The following TTC27 variants were observed in gnomAD, a reference collection of about 807,000 sequenced individuals.
The protein encoded by TTC27 is tetratricopeptide repeat domain 27, also known as tetratricopeptide repeat protein 27.
In TTC27, 79 loss-of-function variants were observed where a neutral mutation model predicts 115.9. The ratio of observed to expected loss-of-function variants is 0.68; its 90% CI spans 0.57 to 0.82. TTC27 has a LOEUF of 0.82. Among genes scored for constraint, TTC27 ranks in the 40% least tolerant of loss-of-function variants. The pLI is 0.00. For synonymous variants in TTC27, 401 were observed against 356.0 expected (o/e 1.13, Z -1.42); for missense variants, 1,054 against 993.1 (o/e 1.06, Z -0.82).
intron 8 of TTC27, among the ~76,000 whole-genome samples, chr2:32,676,782 C>G (rs1480008678): frequency 6.6e-6 from 1 of 151,856 alleles, no homozygotes; most frequent in Non-Finnish European, 1.5e-5. Flanking sequence ...AGCCACTGCG[C>G]CTAGCCTCTT....
At chr2:32,775,250 T>C (rs1022696900) in intron 13 of TTC27, among the ~76,000 whole-genome samples, 1 of 152,166 alleles carries the variant, frequency 6.6e-6, no homozygotes, top group African/African-American at 2.4e-5. Context: ...CGGGCTGGAG[T>C]GCAGTGGCGC....
chr2:32,714,250 C>T (rs1667683124), intron 10 of TTC27, among the ~76,000 whole-genome samples: 1 of 151,570 alleles, frequency 6.6e-6, no homozygotes, highest in African/African-American at 2.4e-5. Context: ...GCTCCACCTC[C>T]CGGGTTCACA....
intron 10 of TTC27, among the ~76,000 whole-genome samples, chr2:32,708,304 GTTTTTTT>G (rs1158508588): frequency 3.3e-5 from 2 of 61,356 alleles, no homozygotes; most frequent in South Asian, 8.0e-4. Flanking sequence ...TCTCTACCTT[GTTTTTTT>G]TTTTTTTTTT....
At chr2:32,776,033 T>C (rs7584123) in intron 13 of TTC27, among the ~76,000 whole-genome samples, 61,573 of 151,906 alleles carry the variant, frequency 0.41, 12,731 homozygotes, top group South Asian at 0.6. Flanking sequence ...TGTTGAAAGT[T>C]CCATGATTCA....
At chr2:32,628,835 G>C (rs1427972307) in intron 1 of TTC27, among the ~76,000 whole-genome samples, 2 of 150,622 alleles carry the variant, frequency 1.3e-5, no homozygotes, top group Non-Finnish European at 3.0e-5. Context: ...ATCTCGGCTC[G>C]CTGCAACCTC....
At chr2:32,682,989 G>C (rs1212658307) in intron 9 of TTC27, among the ~76,000 whole-genome samples, 2 of 151,544 alleles carry the variant, frequency 1.3e-5, no homozygotes, top group Non-Finnish European at 2.9e-5. Context: ...GAGTAGCTGG[G>C]ACTACAGGTG....
chr2:32,650,165 T>C lies in TTC27; in HGVS notation c.572T>C (p.Ile191Thr). 6.2e-7 allele frequency: 1 copy of C among 1,613,936 alleles called. No individual in the cohort carries two copies. The highest frequency in any genetic ancestry group is 1.1e-5 in the South Asian group (1 of 91,062). Residue 191 changes from isoleucine to threonine, a missense_variant, in exon 5 of 20, where the codon ATT becomes ACT. Coordinates refer to ENST00000317907, the MANE Select transcript of TTC27 (RefSeq NM_017735.5). ...TGGTGGACTTTGAGATGTGTGAATA[T>C]TCATCAGCATTTGCTTGAGGAACGC... The part of the protein sequence containing the change: ...LPWWTLRCVN[I>T]HQHLLEERSP...
intron 16 of TTC27, 73 bp downstream of exon 16, chr2:32,787,222 C>T (rs1670379059): frequency 6.7e-7 from 1 of 1,493,088 alleles, no homozygotes; most frequent in African/African-American, 1.4e-5. Context: ...TAAATTATTT[C>T]CTTGAATATG....
At chr2:32,755,255 G>A (rs1038685719) in intron 12 of TTC27, among the ~76,000 whole-genome samples, 1 of 152,160 alleles carries the variant, frequency 6.6e-6, no homozygotes, top group African/African-American at 2.4e-5. Context: ...AGGTTGTAGC[G>A]AGCCAAGATC....
intron 10 of TTC27, among the ~76,000 whole-genome samples, chr2:32,726,103 C>A (rs936963382): frequency 6.6e-6 from 1 of 152,214 alleles, no homozygotes; most frequent in African/African-American, 2.4e-5. Context: ...CTCTTTCCTC[C>A]TGGGCCTCCG....
intron 3 of TTC27, among the ~76,000 whole-genome samples, chr2:32,638,309 C>T (rs1172260532): frequency 6.6e-6 from 1 of 152,044 alleles, no homozygotes; most frequent in Admixed American, 6.6e-5. Context: ...TCCTCTATTA[C>T]ACTCTTGAAT....
At chr2:32,762,332 G>A (rs1669470225) in intron 13 of TTC27, among the ~76,000 whole-genome samples, 1 of 141,898 alleles carries the variant, frequency 7.0e-6, no homozygotes, top group African/African-American at 2.7e-5. Context: ...TGTGTGTTGG[G>A]GGAACAGAGG....
chr2:32,665,169 G>C (rs752546595), intron 6 of TTC27, among the ~76,000 whole-genome samples: 3 of 151,970 alleles, frequency 2.0e-5, no homozygotes, highest in Admixed American at 6.6e-5. Flanking sequence ...TTCTTAGAGA[G>C]CTAGTTCTAT....
intron 8 of TTC27, among the ~76,000 whole-genome samples, chr2:32,674,835 T>C (rs550693288): frequency 8.5e-5 from 13 of 152,178 alleles, no homozygotes; most frequent in Admixed American, 4.6e-4. Flanking sequence ...AATTTTGTTT[T>C]ATGTATTTGG....
chr2:32,784,600 G>A (rs894454353), intron 15 of TTC27, among the ~76,000 whole-genome samples: 6 of 152,180 alleles, frequency 3.9e-5, no homozygotes, highest in Non-Finnish European at 8.8e-5. Context: ...AATTTTAATG[G>A]TGCAATATCT....
intron 5 of TTC27, among the ~76,000 whole-genome samples, chr2:32,663,040 A>AGT (rs1665612277): frequency 6.6e-6 from 1 of 152,132 alleles, no homozygotes; most frequent in Non-Finnish European, 1.5e-5. Flanking sequence ...ACCAAGCTCG[A>AGT]GTGTCCCAGG....
At chr2:32,720,869 C>T (rs750233076) in intron 10 of TTC27, among the ~76,000 whole-genome samples, 19 of 152,136 alleles carry the variant, frequency 1.2e-4, no homozygotes, top group African/African-American at 3.6e-4. Context: ...TCAGAATATT[C>T]GTGTGCTCTA....
chr2:32,815,559 T>C (rs1050305749), intron 18 of TTC27, among the ~76,000 whole-genome samples: 6 of 152,182 alleles, frequency 3.9e-5, no homozygotes, highest in Non-Finnish European at 7.3e-5. Context: ...TCTAGCTGTC[T>C]GTCTCTATCT....
chr2:32,643,155 A>G (rs1208672293), intron 4 of TTC27, among the ~76,000 whole-genome samples: 1 of 151,958 alleles, frequency 6.6e-6, no homozygotes, highest in East Asian at 1.9e-4. Flanking sequence ...TTTTTAATAC[A>G]CGGATTTCAA....
Sources: allele counts gnomAD v4.1 joint callset (sites outside exome capture counted in the v4.1 genomes callset), GRCh38; gene constraint gnomAD v4.1.1; transcripts MANE v1.5; gene names NCBI Gene and HGNC (gene_info 2026-07-23, HGNC 2026-07-21).